GPC6: variants seen among roughly 807,000 people sequenced by gnomAD.
The protein encoded by GPC6 is glypican-6.
A neutral mutation model predicts 55.2 loss-of-function variants in GPC6; 14 were observed. The ratio of observed to expected loss-of-function variants is 0.25; its 90% CI spans 0.17 to 0.40. The LOEUF is 0.40. Ranked by LOEUF, GPC6 falls within the 10% of genes least tolerant of loss-of-function variation. The pLI is 1.00. For missense variants in GPC6, 641 were observed against 708.5 expected (o/e 0.90, Z 1.08); for synonymous variants, 278 against 259.6 (o/e 1.07, Z -0.68).
chr13:94,161,638 T>C (rs560778070), intron 4 of GPC6, among the ~76,000 whole-genome samples: 1 of 152,182 alleles, frequency 6.6e-6, no homozygotes, highest in South Asian at 2.1e-4. Context: ...CAAGAAGACA[T>C]GTAAAGAGTA....
At chr13:93,706,979 G>A (rs182498249) in intron 2 of GPC6, among the ~76,000 whole-genome samples, 8 of 151,906 alleles carry the variant, frequency 5.3e-5, no homozygotes, top group Admixed American at 2.0e-4. Context: ...ACTGGGCGAC[G>A]TAGGTGTTGA....
At chr13:94,137,386 G>T (rs1195099227) in intron 4 of GPC6, among the ~76,000 whole-genome samples, 1 of 152,074 alleles carries the variant, frequency 6.6e-6, no homozygotes, top group Non-Finnish European at 1.5e-5. Context: ...AAATAGGCAG[G>T]GGATTTGTGA....
intron 1 of GPC6, among the ~76,000 whole-genome samples, chr13:93,385,276 G>A (rs79162075): frequency 0.012 from 1,785 of 152,316 alleles, 41 homozygotes; most frequent in African/African-American, 0.041. Flanking sequence ...ACTGGAGAAG[G>A]GGAAGGAGGG....
intron 7 of GPC6, 126 bp downstream of exon 7, chr13:94,382,676 C>A: frequency 8.1e-7 from 1 of 1,239,888 alleles, no homozygotes; most frequent in Non-Finnish European, 1.2e-6. Flanking sequence ...CAAGTCATCA[C>A]TTAGCAACAG....
intron 1 of GPC6, among the ~76,000 whole-genome samples, chr13:93,411,554 T>A (rs1318852349): frequency 6.6e-6 from 1 of 152,216 alleles, no homozygotes; most frequent in Non-Finnish European, 1.5e-5. Flanking sequence ...ATTACTATTA[T>A]TCTCTAATCA....
chr13:94,172,130 A>G (rs1888589700), intron 4 of GPC6, among the ~76,000 whole-genome samples: 1 of 152,176 alleles, frequency 6.6e-6, no homozygotes, highest in South Asian at 2.1e-4. Flanking sequence ...ATGATTAAAG[A>G]AGGTTTTCTT....
chr13:94,274,104 T>C (rs1025857024), intron 4 of GPC6, among the ~76,000 whole-genome samples: 1 of 152,198 alleles, frequency 6.6e-6, no homozygotes, highest in African/African-American at 2.4e-5. Flanking sequence ...TTTTATGAAA[T>C]ACAAGGCATC....
At chr13:94,136,822 G>A (rs995444562) in intron 4 of GPC6, among the ~76,000 whole-genome samples, 1 of 152,174 alleles carries the variant, frequency 6.6e-6, no homozygotes, top group African/African-American at 2.4e-5. Flanking sequence ...ATGATTATCA[G>A]GACAACAGTT....
At chr13:94,070,314 G>C (rs1884683437) in intron 4 of GPC6, among the ~76,000 whole-genome samples, 1 of 152,168 alleles carries the variant, frequency 6.6e-6, no homozygotes, top group African/African-American at 2.4e-5. Context: ...TTCCTCCTGT[G>C]ACATGTAGGA....
rs7994049 is a variant in GPC6 at position 94,023,894 on chromosome 13, A to G, written c.712-3835A>G. Among the ~76,000 whole-genome samples, 1,358 of 152,160 alleles carry G rather than the reference A, an allele frequency of 8.9e-3. 29 individuals are homozygous for G. The highest frequency in any genetic ancestry group is 0.031 in the African/African-American group (1,303 of 41,540). ...TCAAGCTCAAAAGGTTACTTATTGT[A>G]TGGTTTTATTTATATAGAATTCTTG... On this transcript the variant is annotated intron_variant, in intron 3 of 8. Transcript: ENST00000377047.
chr13:93,664,474 G>C (rs1881051691), intron 2 of GPC6, among the ~76,000 whole-genome samples: 1 of 152,164 alleles, frequency 6.6e-6, no homozygotes, highest in Non-Finnish European at 1.5e-5. Context: ...GGCAAATGTA[G>C]ATGGATGGCT....
chr13:93,944,985 A>C (rs1359260675), intron 3 of GPC6, among the ~76,000 whole-genome samples: 2 of 152,150 alleles, frequency 1.3e-5, no homozygotes, highest in Non-Finnish European at 2.9e-5. Flanking sequence ...CGAGAGAAGA[A>C]CCAAGACTAA....
chr13:94,403,535 G>A lies in GPC6; in HGVS notation c.*318G>A. On this transcript the variant is annotated 3_prime_UTR_variant, in exon 9 of 9. Coordinates refer to ENST00000377047, the MANE Select transcript of GPC6 (RefSeq NM_005708.5). Reference sequence around the variant, plus strand: ...TGCAGAAGTAAAGGAATCTCACGTTGTGAGGGTTTTTTTTTTCTCATTTAA... The same window carrying A: ...TGCAGAAGTAAAGGAATCTCACGTTATGAGGGTTTTTTTTTTCTCATTTAA... The A allele has an allele frequency of 3.3e-6, 1 of 304,104 alleles. No homozygotes were observed. Among genetic ancestry groups the A allele is most frequent in the Non-Finnish European group, 6.0e-6 (1 of 166,648 alleles). 18.8% of individuals were successfully genotyped at this position (304,104 alleles called of 1,614,324 possible).
At chr13:93,803,222 A>G (rs1439781229) in intron 2 of GPC6, among the ~76,000 whole-genome samples, 1 of 152,174 alleles carries the variant, frequency 6.6e-6, no homozygotes, top group African/African-American at 2.4e-5. Flanking sequence ...ATTATATACA[A>G]ATAATAAAGA....
chr13:93,558,654 G>T (rs912977156), intron 2 of GPC6, among the ~76,000 whole-genome samples: 1 of 152,130 alleles, frequency 6.6e-6, no homozygotes, highest in Non-Finnish European at 1.5e-5. Context: ...AGAAAATTAA[G>T]TCTATTCTCT....
rs1876582231 is a variant in GPC6 at position 93,574,866 on chromosome 13, T to C, written c.319+29445T>C. Among the ~76,000 whole-genome samples the C allele has an allele frequency of 1.3e-5, 2 of 152,246 alleles. 1 individual carries two copies. Among genetic ancestry groups the C allele is most frequent in the South Asian group, 4.1e-4 (2 of 4,832 alleles). On this transcript the variant is annotated intron_variant, in intron 2 of 8. Coordinates refer to ENST00000377047, the MANE Select transcript of GPC6 (RefSeq NM_005708.5). Reference sequence around the variant, plus strand: ...GTTTATTGAAATTAGCATATTGTTTTAGAGGTTCATCCATATCAGACTTTT... The same window carrying C: ...GTTTATTGAAATTAGCATATTGTTTCAGAGGTTCATCCATATCAGACTTTT...
Position 93,945,169 on chromosome 13 carries a change from G to A in GPC6, c.712-82560G>A, listed in dbSNP as rs140118544. Among the ~76,000 whole-genome samples, 359 of 152,244 alleles carry A rather than the reference G, an allele frequency of 2.4e-3. 1 individual carries two copies. Among genetic ancestry groups the A allele is most frequent in the African/African-American group, 8.3e-3 (346 of 41,536 alleles). ...AGAAAGTATGCATATATGTCTAAAC[G>A]TAGGTTTATTATAAATCTTACTGAC... On this transcript the variant is annotated intron_variant, in intron 3 of 8. Coordinates refer to ENST00000377047, the MANE Select transcript of GPC6 (RefSeq NM_005708.5).
At chr13:93,907,260 A>G (rs1013360041) in intron 3 of GPC6, among the ~76,000 whole-genome samples, 5 of 152,130 alleles carry the variant, frequency 3.3e-5, no homozygotes, top group African/African-American at 1.2e-4. Flanking sequence ...TTAACAACCA[A>G]AAATCCACTT....
rs1555306607 is a variant in GPC6, at chr13:93,510,991, A to ATATATGTGTGTATATATATGTG, written c.161-34267_161-34266insGTGTGTATATATATGTGTATAT. 2.0e-4 allele frequency among the ~76,000 whole-genome samples: 8 copies of ATATATGTGTGTATATATATGTG among 40,248 alleles called. 2 individuals are homozygous for ATATATGTGTGTATATATATGTG. The highest frequency in any genetic ancestry group is 8.7e-4 in the African/African-American group (8 of 9,176). 26.4% of individuals were successfully genotyped at this position (40,248 alleles called of 152,430 possible). ...TATATGTGTATATATATATGTGTAT[A>ATATATGTGTGTATATATATGTG]TATATATATATATATTCATGTCCTT... On this transcript the variant is annotated intron_variant, in intron 1 of 8. Coordinates refer to ENST00000377047, the MANE Select transcript of GPC6 (RefSeq NM_005708.5).
Sources: gnomAD v4.1 joint callset for allele counts (sites outside exome capture counted in the v4.1 genomes callset) on GRCh38, gnomAD v4.1.1 for gene constraint, MANE v1.5 for transcripts, NCBI Gene and HGNC (gene_info 2026-07-23, HGNC 2026-07-21) for gene names.